Variants in RIPOR2 observed in about 807,000 individuals in gnomAD.
RIPOR2 encodes rho family-interacting cell polarization regulator 2.
In RIPOR2, 39 loss-of-function variants were observed where a neutral mutation model predicts 114.5. The observed-to-expected ratio is 0.34, with a 90% CI of 0.26 to 0.44. The LOEUF (loss-of-function observed/expected upper bound fraction) is 0.44. Ranked by LOEUF, RIPOR2 falls within the 20% of genes least tolerant of loss-of-function variation. The pLI is 1.00. For synonymous variants in RIPOR2, 445 were observed against 484.4 expected (o/e 0.92, Z 1.07); for missense variants, 1,007 against 1,255.1 (o/e 0.80, Z 2.99).
Position 24,839,266 on chromosome 6 carries a change from G to A in RIPOR2, c.1864C>T (p.Pro622Ser), listed in dbSNP as rs1451068483. 1 of 1,551,516 alleles carries A rather than the reference G, an allele frequency of 6.4e-7. No individual in the cohort carries two copies. The stretch of plus-strand genomic sequence containing the variant: ...GAAGACCTGCTGCGGCTTACTGCTG[G>A]CTTGCACTGTAAAGGCAGAAGGCAC... ...MNLDDILKCK[P>S]AVSRSRSSSL... The change falls in exon 14 of 22, where the codon CCA becomes TCA. Residue 622 changes from proline to serine, a missense_variant. Physicochemically the swap from Pro to Ser is moderately conservative, Grantham distance 74. Coordinates refer to ENST00000643898, the MANE Select transcript of RIPOR2 (RefSeq NM_001286445.3).
At chr6:25,038,106 A>T (rs1777326672) in intron 1 of RIPOR2, among the ~76,000 whole-genome samples, 1 of 152,264 alleles carries the variant, frequency 6.6e-6, no homozygotes, top group African/African-American at 2.4e-5. Context: ...AAGATTCATT[A>T]TACTATTTTC....
chr6:24,871,429 G>A (rs529333872), intron 4 of RIPOR2, among the ~76,000 whole-genome samples: 9 of 152,300 alleles, frequency 5.9e-5, no homozygotes, highest in East Asian at 5.8e-4. Context: ...TCGGCTCACC[G>A]CAACTTCCTC....
At chr6:25,005,728 T>TAC (rs1341571732) in intron 1 of RIPOR2, among the ~76,000 whole-genome samples, 1 of 107,692 alleles carries the variant, frequency 9.3e-6, no homozygotes, top group African/African-American at 3.3e-5. Context: ...TATATATATA[T>TAC]ATATATATAT....
At chr6:25,016,890 G>A (rs567100077) in intron 1 of RIPOR2, among the ~76,000 whole-genome samples, 1 of 152,236 alleles carries the variant, frequency 6.6e-6, no homozygotes, top group African/African-American at 2.4e-5. Flanking sequence ...TATCTTCTAG[G>A]GGATTCACAT....
upstream of RIPOR2, among the ~76,000 whole-genome samples, chr6:24,936,905 A>G (rs973081839): frequency 2.0e-5 from 3 of 152,128 alleles, no homozygotes; most frequent in Non-Finnish European, 2.9e-5. Context: ...TGTTGACCCA[A>G]GGTGTTTATT....
chr6:24,991,186 T>C (rs1774795864), intron 1 of RIPOR2, among the ~76,000 whole-genome samples: 1 of 152,294 alleles, frequency 6.6e-6, no homozygotes, highest in Admixed American at 6.5e-5. Flanking sequence ...GTCTGGTCTT[T>C]ATAATCACAG....
At chr6:24,879,344 C>CA (rs888968759) in intron 1 of RIPOR2, among the ~76,000 whole-genome samples, 1 of 151,518 alleles carries the variant, frequency 6.6e-6, no homozygotes, top group Non-Finnish European at 1.5e-5. Flanking sequence ...GACTCTGTCT[C>CA]AAAAAAAAGA....
At chr6:24,940,974 A>G (rs1420672086) in intron 1 of RIPOR2, among the ~76,000 whole-genome samples, 1 of 152,040 alleles carries the variant, frequency 6.6e-6, no homozygotes, top group East Asian at 1.9e-4. Flanking sequence ...TTTTAATAGT[A>G]TTCTTGTTTT....
intron 2 of RIPOR2, 106 bp downstream of exon 2, chr6:24,875,585 C>CGG (rs202153965): frequency 5.1e-5 from 51 of 997,996 alleles, no homozygotes; most frequent in African/African-American, 1.3e-4. Flanking sequence ...GGGGAGGAGG[C>CGG]CGGGGGGCGG....
intron 8 of RIPOR2, among the ~76,000 whole-genome samples, chr6:24,856,349 TTTAG>T (rs1428021445): frequency 6.6e-6 from 1 of 152,228 alleles, no homozygotes; most frequent in Admixed American, 6.5e-5. Context: ...TTCTGCAGCA[TTTAG>T]TTAGTCTTTA....
chr6:25,030,201 T>C (rs575349331), intron 1 of RIPOR2, among the ~76,000 whole-genome samples: 2 of 152,240 alleles, frequency 1.3e-5, no homozygotes, highest in South Asian at 2.1e-4. Flanking sequence ...TATAATCATA[T>C]ACAATGTCAA....
intron 1 of RIPOR2, among the ~76,000 whole-genome samples, chr6:24,894,825 C>T (rs1049375183): frequency 2.6e-5 from 4 of 152,100 alleles, no homozygotes; most frequent in Admixed American, 1.3e-4. Flanking sequence ...AGTAACATCC[C>T]ACACCTATAC....
At chr6:24,919,876 C>T (rs575152136) in intron 1 of RIPOR2, among the ~76,000 whole-genome samples, 85 of 152,182 alleles carry the variant, frequency 5.6e-4, no homozygotes, top group African/African-American at 2.0e-3. Flanking sequence ...GCCCTCTTGT[C>T]GGCAGTAGAT....
intron 1 of RIPOR2, among the ~76,000 whole-genome samples, chr6:24,995,597 C>T (rs1184788367): frequency 2.0e-5 from 3 of 152,328 alleles, no homozygotes; most frequent in Admixed American, 6.5e-5. Flanking sequence ...GCTGCAGTCT[C>T]GCACAACTCC....
intron 1 of RIPOR2, among the ~76,000 whole-genome samples, chr6:25,033,835 G>T (rs1326086041): frequency 6.6e-6 from 1 of 152,112 alleles, no homozygotes; most frequent in African/African-American, 2.4e-5. Context: ...GCTAAACAGA[G>T]TTTAAGATTT....
Position 24,806,532 on chromosome 6 carries a change from A to T in RIPOR2, c.3044-59T>A, listed in dbSNP as rs1780784469. ...CAAACAACGTTTTTATTAATTACTC[A>T]AAGTAACATAGTGCCATTTGTTTAG... On this transcript the variant is annotated intron_variant, in intron 21 of 21. Coordinates refer to ENST00000643898, the MANE Select transcript of RIPOR2 (RefSeq NM_001286445.3). 1.2e-5 allele frequency: 15 copies of T among 1,260,074 alleles called. No homozygotes were observed. In the South Asian group the frequency reaches 2.0e-4, roughly 17 times the overall value. 78.1% of individuals were successfully genotyped at this position (1,260,074 alleles called of 1,614,324 possible).
At chr6:24,846,175 G>A (rs1393700485) in intron 12 of RIPOR2, among the ~76,000 whole-genome samples, 7 of 151,996 alleles carry the variant, frequency 4.6e-5, no homozygotes, top group South Asian at 2.1e-4. Context: ...TTATGTTAAC[G>A]GTTGCGTGTA....
At chr6:24,904,378 C>T (rs1033425606) in intron 1 of RIPOR2, among the ~76,000 whole-genome samples, 1 of 152,208 alleles carries the variant, frequency 6.6e-6, no homozygotes, top group Non-Finnish European at 1.5e-5. Flanking sequence ...AGCTATGTTC[C>T]ATCTCCCTGA....
chr6:24,999,288 A>C (rs2113641913), intron 1 of RIPOR2, among the ~76,000 whole-genome samples: 1 of 152,314 alleles, frequency 6.6e-6, no homozygotes, highest in South Asian at 2.1e-4. Context: ...ATTAACATAC[A>C]AATCACACAC....
Sources: allele counts gnomAD v4.1 joint callset (sites outside exome capture counted in the v4.1 genomes callset), GRCh38; gene constraint gnomAD v4.1.1; transcripts MANE v1.5; gene names NCBI Gene and HGNC (gene_info 2026-07-23, HGNC 2026-07-21).